The following CLVS1 variants were observed in gnomAD, a reference collection of about 807,000 sequenced individuals.
CLVS1 encodes the protein clavesin 1.
In CLVS1, 10 loss-of-function variants were observed where a neutral mutation model predicts 33.1. The observed-to-expected ratio is 0.30, with a 90% confidence interval of 0.19 to 0.51. The LOEUF (loss-of-function observed/expected upper bound fraction) is 0.51, where lower values mean the gene tolerates loss of function less well. Among genes scored for constraint, CLVS1 ranks in the 20% least tolerant of loss-of-function variants. The probability of loss-of-function intolerance (pLI) is 0.97; values close to 1 mark genes in which losing one functional copy is unlikely to be tolerated. For synonymous variants in CLVS1, 163 were observed against 166.1 expected (o/e 0.98, Z 0.14); for missense variants, 343 against 433.4 (o/e 0.79, Z 1.85).
chr8:61,251,188 A>C (rs1292238572), intron 2 of CLVS1, among the ~76,000 whole-genome samples: 1 of 152,034 alleles, frequency 6.6e-6, no homozygotes, highest in Non-Finnish European at 1.5e-5. Flanking sequence ...GGTTTTTGTC[A>C]TTGGTTCTGT....
intron 1 of CLVS1, among the ~76,000 whole-genome samples, chr8:61,059,123 GT>G (rs1804531613): frequency 6.6e-6 from 1 of 151,934 alleles, no homozygotes; most frequent in Admixed American, 6.6e-5. Flanking sequence ...ACTGACCACT[GT>G]TTTCTATTTG....
At chr8:61,058,075 C>G (rs531518964) in intron 1 of CLVS1, among the ~76,000 whole-genome samples, 9 of 152,210 alleles carry the variant, frequency 5.9e-5, no homozygotes, top group Admixed American at 3.3e-4. Context: ...TACAACCTAG[C>G]TAGACATATA....
rs189108975 is a variant in CLVS1, at chr8:61,442,660, C to T, written c.631-11481C>T. Among the ~76,000 whole-genome samples, 590 of 152,130 alleles carry T rather than the reference C, an allele frequency of 3.9e-3. 2 individuals are homozygous for T. The highest frequency in any genetic ancestry group is 0.012 in the African/African-American group (509 of 41,504). ...TGTTGTCCAGGCTGGAGTGCAGTGGCGCGATCTTGGCTCACCACAACCTCC... is the reference window on the plus strand; with the variant it reads ...TGTTGTCCAGGCTGGAGTGCAGTGGTGCGATCTTGGCTCACCACAACCTCC... On this transcript the variant is annotated intron_variant, in intron 3 of 5. Coordinates refer to ENST00000325897, the MANE Select transcript of CLVS1 (RefSeq NM_173519.3).
intron 2 of CLVS1, among the ~76,000 whole-genome samples, chr8:61,282,065 G>A (rs370573262): frequency 6.6e-6 from 1 of 152,194 alleles, no homozygotes; most frequent in Non-Finnish European, 1.5e-5. Flanking sequence ...ACAAAGGTTG[G>A]TGCTGAGCAA....
chr8:61,074,681 C>T (rs1804875880), intron 1 of CLVS1, among the ~76,000 whole-genome samples: 1 of 151,938 alleles, frequency 6.6e-6, no homozygotes, highest in Non-Finnish European at 1.5e-5. Context: ...TACCAAGTTA[C>T]TTATTCTGTT....
At chr8:61,224,649 G>T (rs758788377) in intron 2 of CLVS1, among the ~76,000 whole-genome samples, 3 of 152,178 alleles carry the variant, frequency 2.0e-5, no homozygotes, top group African/African-American at 7.2e-5. Context: ...TCACCCCGTT[G>T]GGTGGCATAG....
the CLVS1 span, among the ~76,000 whole-genome samples, chr8:61,049,375 T>C: frequency 6.6e-6 from 1 of 152,238 alleles, no homozygotes; most frequent in Non-Finnish European, 1.5e-5. Flanking sequence ...CATATATCAA[T>C]TTATCTCCCT....
At chr8:61,320,621 A>G (rs1811161028) in intron 2 of CLVS1, among the ~76,000 whole-genome samples, 1 of 152,216 alleles carries the variant, frequency 6.6e-6, no homozygotes, top group African/African-American at 2.4e-5. Flanking sequence ...CAAGGTACTA[A>G]CAGATTCAGT....
At chr8:61,334,187 G>A (rs1334475616) in intron 2 of CLVS1, among the ~76,000 whole-genome samples, 1 of 152,202 alleles carries the variant, frequency 6.6e-6, no homozygotes, top group Admixed American at 6.5e-5. Context: ...TGGGATGAGA[G>A]AGAGGCATGA....
At chr8:60,979,256 A>T in the CLVS1 span, among the ~76,000 whole-genome samples, 1 of 152,228 alleles carries the variant, frequency 6.6e-6, no homozygotes, top group Non-Finnish European at 1.5e-5. Context: ...TTCCAGTCAG[A>T]AGATGAGCAT....
intron 2 of CLVS1, among the ~76,000 whole-genome samples, chr8:61,185,224 C>A (rs555191090): frequency 2.6e-5 from 4 of 151,360 alleles, no homozygotes; most frequent in African/African-American, 9.7e-5. Flanking sequence ...CTGTCTGAAG[C>A]GTTGACCCCT....
At chr8:61,216,986 G>T (rs375822598) in intron 2 of CLVS1, among the ~76,000 whole-genome samples, 1 of 152,048 alleles carries the variant, frequency 6.6e-6, no homozygotes, top group Non-Finnish European at 1.5e-5. Context: ...TCCATTACAC[G>T]TGAAAAGTTT....
chr8:61,362,344 C>G (rs980875934), intron 2 of CLVS1, among the ~76,000 whole-genome samples: 2 of 152,172 alleles, frequency 1.3e-5, no homozygotes, highest in African/African-American at 4.8e-5. Context: ...TGGTCAGTCT[C>G]CCCTTACAGT....
At chr8:61,348,022 T>G (rs1018186494) in intron 2 of CLVS1, among the ~76,000 whole-genome samples, 2 of 151,810 alleles carry the variant, frequency 1.3e-5, no homozygotes, top group Non-Finnish European at 2.9e-5. Flanking sequence ...ACATTGTTAT[T>G]AACTATAGTC....
intron 1 of CLVS1, among the ~76,000 whole-genome samples, chr8:61,095,652 A>G (rs1324974172): frequency 1.3e-4 from 20 of 152,182 alleles, no homozygotes; most frequent in Non-Finnish European, 1.5e-4. Context: ...TTTCCAGAAG[A>G]CTTGCTCTCA....
rs192347637 is a variant in CLVS1, at chr8:61,210,766, A to G, written c.-152+78906A>G. 8.8e-4 allele frequency among the ~76,000 whole-genome samples: 134 copies of G among 152,316 alleles called. 1 individual carries two copies. The highest frequency in any genetic ancestry group is 3.1e-3 in the Admixed American group (48 of 15,296). Reference sequence around the variant, plus strand: ...TAAGATAATAAATGTATGCTGCTATATTTGTTCACAGCATAGAAAACTACT... The same window carrying G: ...TAAGATAATAAATGTATGCTGCTATGTTTGTTCACAGCATAGAAAACTACT... On this transcript the variant is annotated intron_variant, in intron 2 of 2. Transcript: ENST00000522621.
At chr8:61,376,477 A>G (rs578179576) in intron 2 of CLVS1, 128 bp from the exon 3 acceptor site, 29 of 760,010 alleles carry the variant, frequency 3.8e-5, no homozygotes, top group African/African-American at 1.9e-4. Context: ...CTTTGGGTAC[A>G]GGACGCCAGT....
intron 3 of CLVS1, among the ~76,000 whole-genome samples, chr8:61,386,936 T>A (rs1162435248): frequency 6.6e-6 from 1 of 152,160 alleles, no homozygotes; most frequent in East Asian, 1.9e-4. Context: ...ATTGAAACAA[T>A]CAAACATCAA....
chr8:61,491,021 G>A (rs993574303), intron 5 of CLVS1, among the ~76,000 whole-genome samples: 1 of 151,828 alleles, frequency 6.6e-6, no homozygotes, highest in Non-Finnish European at 1.5e-5. Context: ...AAGCCTAAAT[G>A]TATTGGGCAC....
Sources: allele counts gnomAD v4.1 joint callset (sites outside exome capture counted in the v4.1 genomes callset), GRCh38; gene constraint gnomAD v4.1.1; transcripts MANE v1.5; gene names NCBI Gene and HGNC (gene_info 2026-07-23, HGNC 2026-07-21).